RAB11FIP5: variants seen among roughly 807,000 people sequenced by gnomAD.
RAB11FIP5 encodes the protein rab11 family-interacting protein 5.
In RAB11FIP5, 48 loss-of-function variants were observed where a neutral mutation model predicts 85.1. The ratio of observed to expected loss-of-function variants is 0.56; its 90% CI spans 0.45 to 0.72. The LOEUF (loss-of-function observed/expected upper bound fraction) is 0.72. Among genes scored for constraint, RAB11FIP5 ranks in the 30% least tolerant of loss-of-function variants. RAB11FIP5 has a pLI of 0.00. For missense variants in RAB11FIP5, 1,491 were observed against 1,687.0 expected (o/e 0.88, Z 2.04); for synonymous variants, 729 against 727.3 (o/e 1.00, Z -0.04).
Position 73,074,795 on chromosome 2 carries a change from C to T in RAB11FIP5, c.*726G>A, listed in dbSNP as rs117742604. The T allele has an allele frequency of 1.0e-3, 206 of 200,148 alleles. 5 individuals carry two copies. In the East Asian group the frequency reaches 0.019, roughly 19 times the overall value. The allele number at this position is 200,148 out of a possible 1,614,324, so 12.4% of individuals were successfully genotyped here. On this transcript the variant is annotated 3_prime_UTR_variant, in exon 6 of 6. Coordinates refer to ENST00000486777, the MANE Select transcript of RAB11FIP5 (RefSeq NM_001371272.1). ...AGCTCGAAAAGCAAAAAGGTGCTCT[C>T]TCCGCACCCGCCCCTGCGCCCCACA... is the stretch of plus-strand genomic sequence containing the variant.
In RAB11FIP5 at chr2:73,075,661, G is replaced by A; in HGVS notation, c.3835C>T (p.Leu1279=). 6.2e-7 allele frequency: 1 copy of A among 1,613,824 alleles called. No individual in the cohort carries two copies. The highest frequency in any genetic ancestry group is 8.5e-7 in the Non-Finnish European group (1 of 1,179,902). ...AGCTCCCGCTCCCGCTGCAGGAGCAGGCTGATGAGCTCATCGTGGGTCAGG... is the reference window on the plus strand; with the variant it reads ...AGCTCCCGCTCCCGCTGCAGGAGCAAGCTGATGAGCTCATCGTGGGTCAGG... ...YHLTHDELIS[L]LLQRERELSQ... Residue 1279 remains leucine (L), a synonymous_variant, in exon 6 of 6, where the codon CTG becomes TTG. Coordinates refer to ENST00000486777, the MANE Select transcript of RAB11FIP5 (RefSeq NM_001371272.1). The surrounding 1 kb of genome is among the most constrained non-coding windows in gnomAD (Gnocchi z 4.6).
intron 3 of RAB11FIP5, among the ~76,000 whole-genome samples, chr2:73,085,326 TA>T (rs1392094390): frequency 6.6e-6 from 1 of 152,210 alleles, no homozygotes; most frequent in African/African-American, 2.4e-5. Context: ...TTCCCAACTT[TA>T]AAAGTTTTTG....
intron 1 of RAB11FIP5, among the ~76,000 whole-genome samples, chr2:73,091,933 C>T (rs1247294626): frequency 1.3e-5 from 2 of 151,994 alleles, no homozygotes; most frequent in Non-Finnish European, 2.9e-5. Context: ...AATGCCCGAG[C>T]GGGTGCCTCT....
chr2:73,098,077 C>T (rs1190251807), intron 1 of RAB11FIP5, among the ~76,000 whole-genome samples: 1 of 152,212 alleles, frequency 6.6e-6, no homozygotes, highest in Non-Finnish European at 1.5e-5. Context: ...TGGCTAAGAG[C>T]ATGGACTTCG....
Position 73,080,113 on chromosome 2 carries a change from C to G in RAB11FIP5, c.3119G>C (p.Gly1040Ala). The G allele has an allele frequency of 8.9e-6, 11 of 1,232,242 alleles. No homozygotes were observed. Among genetic ancestry groups the G allele is most frequent in the Non-Finnish European group, 1.1e-5 (11 of 988,044 alleles). 76.3% of individuals were successfully genotyped at this position (1,232,242 alleles called of 1,614,324 possible). ...GGCTGACAAGGACCCAAGCCCCTCT[C>G]CTACTGGATCCTGGCCCTGGGCCTC... ...APEAQGQDPV[G>A]EGLGSLSATS... The change falls in exon 4 of 6, where the codon GGA (glycine) becomes GCA (alanine). Residue 1040 changes from glycine (G) to alanine (A), a missense_variant. Around this residue, in one of 3 missense-constraint regions of RAB11FIP5, gnomAD observed 1,211 missense variants for 1,338.0 expected, o/e 0.91. Coordinates refer to ENST00000486777, the MANE Select transcript of RAB11FIP5 (RefSeq NM_001371272.1).
intron 1 of RAB11FIP5, among the ~76,000 whole-genome samples, chr2:73,103,928 C>T (rs1684477737): frequency 6.6e-6 from 1 of 152,178 alleles, no homozygotes; most frequent in South Asian, 2.1e-4. Context: ...CATATTCACC[C>T]TGACCAGGAG....
chr2:73,076,575 C>A (rs2106100183), intron 4 of RAB11FIP5, among the ~76,000 whole-genome samples: 1 of 152,288 alleles, frequency 6.6e-6, no homozygotes, highest in South Asian at 2.1e-4. Context: ...GTGACCAACC[C>A]TCCCAAGTTC....
chr2:73,077,076 CCT>C (rs545798809), intron 4 of RAB11FIP5, among the ~76,000 whole-genome samples: 32 of 152,138 alleles, frequency 2.1e-4, no homozygotes, highest in Non-Finnish European at 4.1e-4. Context: ...TGGGTTCTCT[CCT>C]CTCCTCCTCC....
At position 73,075,547 on chromosome 2, in the gene RAB11FIP5, G is replaced by A; in HGVS notation, c.3949C>T (p.Gln1317Ter). Reference sequence around the variant, plus strand: ...TATTTGGGGGGGCCCGGGGGGATCTGCAGCAGCGTGGGTGAGGTCTCCATG... The same window carrying A: ...TATTTGGGGGGGCCCGGGGGGATCTACAGCAGCGTGGGTGAGGTCTCCATG... ...RIMETSPTLL[Q>*]IPPGPPK is the part of the protein sequence containing the mutation. Residue 1317 changes from glutamine (Q) to a stop codon, truncating the protein, a stop_gained, in exon 6 of 6, where the codon CAG (glutamine) becomes TAG (stop). Coordinates refer to ENST00000486777, the MANE Select transcript of RAB11FIP5 (RefSeq NM_001371272.1). LOFTEE classifies it high-confidence loss of function. The surrounding 1 kb of genome is among the most constrained non-coding windows in gnomAD (Gnocchi z 4.6). The A allele has an allele frequency of 6.2e-7, 1 of 1,614,080 alleles. No individual in the cohort carries two copies. Among genetic ancestry groups the A allele is most frequent in the Non-Finnish European group, 8.5e-7 (1 of 1,179,964 alleles).
Position 73,088,763 on chromosome 2 carries a change from A to T in RAB11FIP5, c.869-14T>A, listed in dbSNP as rs755730123. The T allele has an allele frequency of 6.4e-7, 1 of 1,570,636 alleles. No homozygotes were observed. The highest frequency in any genetic ancestry group is 1.2e-5 in the South Asian group (1 of 84,242). On this transcript the variant is annotated splice_polypyrimidine_tract_variant and intron_variant, in intron 2 of 5. Coordinates refer to ENST00000486777, the MANE Select transcript of RAB11FIP5 (RefSeq NM_001371272.1). ...CAGAGTCCCTGCCTGCAGGGGAAAC[A>T]CACAGAGTTAGCTCGCAGGAAGAGA...
At chr2:73,111,481 C>T (rs917077998) in intron 1 of RAB11FIP5, among the ~76,000 whole-genome samples, 2 of 152,184 alleles carry the variant, frequency 1.3e-5, no homozygotes, top group African/African-American at 4.8e-5. Context: ...GCTTCCAGCT[C>T]CTGCCCAAGC....
chr2:73,110,498 A>G (rs1352079397), intron 1 of RAB11FIP5, among the ~76,000 whole-genome samples: 1 of 151,196 alleles, frequency 6.6e-6, no homozygotes, highest in Non-Finnish European at 1.5e-5. Context: ...GGTTCTATAA[A>G]TAAACCAGGT....
Position 73,088,510 on chromosome 2 carries a change from C to A in RAB11FIP5, c.1108G>T (p.Ala370Ser). 1 of 1,614,016 alleles carries A rather than the reference C, an allele frequency of 6.2e-7. No individual in the cohort carries two copies. ...GSLPSSGSLQ[A>S]VSSRFSEEGP... is the part of the protein sequence containing the mutation. Reference sequence around the variant, plus strand: ...TCCTCGGAGAACCGGGAAGAGACAGCTTGCAAGGAGCCAGAGGATGGAAGC... The same window carrying A: ...TCCTCGGAGAACCGGGAAGAGACAGATTGCAAGGAGCCAGAGGATGGAAGC... The change falls in exon 3 of 6, where the codon GCT (alanine) becomes TCT (serine). Residue 370 changes from alanine to serine, a missense_variant. Around this residue, in one of 3 missense-constraint regions of RAB11FIP5, gnomAD observed 1,211 missense variants for 1,338.0 expected, o/e 0.91. Coordinates refer to ENST00000486777, the MANE Select transcript of RAB11FIP5 (RefSeq NM_001371272.1).
Position 73,079,725 on chromosome 2 carries a change from T to G in RAB11FIP5, c.3507A>C (p.Ala1169=). ...SPALLREDLA[A]ATPASPLVLL... The stretch of plus-strand genomic sequence containing the variant: ...GCACAAGCGGGGAGGCTGGGGTGGC[T>G]GCAGCGAGGTCCTCCCTAAGTAGGG... Residue 1169 remains alanine (A), a synonymous_variant, in exon 4 of 6, where the codon GCA becomes GCC. Transcript: ENST00000486777. 1.6e-6 allele frequency: 2 copies of G among 1,233,086 alleles called. No individual in the cohort carries two copies. The highest frequency in any genetic ancestry group is 2.0e-6 in the Non-Finnish European group (2 of 988,786). 76.4% of individuals were successfully genotyped at this position (1,233,086 alleles called of 1,614,324 possible). A position where few individuals can be genotyped will look rare whatever the true frequency, so the allele number is the denominator to read the frequency against.
In RAB11FIP5 at chr2:73,080,536, G is replaced by A. The variant is rs1683954751; in HGVS notation, c.2696C>T (p.Thr899Ile). The A allele has an allele frequency of 3.1e-5, 38 of 1,232,688 alleles. No individual in the cohort carries two copies. The highest frequency in any genetic ancestry group is 3.6e-5 in the Non-Finnish European group (36 of 988,204). The allele number at this position is 1,232,688 out of a possible 1,614,324, so 76.4% of individuals were successfully genotyped here. A position where few individuals can be genotyped will look rare whatever the true frequency, so the allele number is the denominator to read the frequency against. ...WVSDKGLQPS[T>I]PPPKPPRLFT... ...GAGGCGCGGTGGCTTGGGAGGTGGG[G>A]TGCTGGGCTGCAGCCCCTTGTCAGA... is the stretch of plus-strand genomic sequence containing the variant. Residue 899 changes from threonine (T) to isoleucine (I), a missense_variant, in exon 4 of 6, where the codon ACC (threonine) becomes ATC (isoleucine). Thr to Ile is a moderately conservative substitution (Grantham distance 89). Transcript: ENST00000486777.
At position 73,089,892 on chromosome 2, in the gene RAB11FIP5, C is replaced by T. The variant is rs1206460009; in HGVS notation, c.432-577G>A. Among the ~76,000 whole-genome samples, 1 of 92,132 alleles carries T rather than the reference C, an allele frequency of 1.1e-5. No individual in the cohort carries two copies. The highest frequency in any genetic ancestry group is 1.9e-5 in the Non-Finnish European group (1 of 52,626). The allele number at this position is 92,132 out of a possible 152,430, so 60.4% of individuals were successfully genotyped here. A position where few individuals can be genotyped will look rare whatever the true frequency, so the allele number is the denominator to read the frequency against. ...ACACTCATGTATGTATACACACACA[C>T]ACACACACACACACACACACACACC... On this transcript the variant is annotated intron_variant, in intron 1 of 5. Coordinates refer to ENST00000486777, the MANE Select transcript of RAB11FIP5 (RefSeq NM_001371272.1). This position sits in a 1 kb window ranked among gnomAD's most constrained non-coding sequence, Gnocchi z 4.6.
intron 3 of RAB11FIP5, among the ~76,000 whole-genome samples, chr2:73,084,967 G>A (rs1012023232): frequency 6.6e-6 from 1 of 152,182 alleles, no homozygotes; most frequent in African/African-American, 2.4e-5. Context: ...CCCATCACCT[G>A]GGCACAATGA....
chr2:73,095,013 C>T (rs1684289921), intron 1 of RAB11FIP5, among the ~76,000 whole-genome samples: 1 of 152,042 alleles, frequency 6.6e-6, no homozygotes, highest in Non-Finnish European at 1.5e-5. Context: ...CCCTGACACC[C>T]ACCTGGTGCT....
intron 3 of RAB11FIP5, among the ~76,000 whole-genome samples, chr2:73,087,634 G>A (rs1426842661): frequency 6.6e-6 from 1 of 152,220 alleles, no homozygotes; most frequent in Non-Finnish European, 1.5e-5. Context: ...GAGAGGGGAA[G>A]GGAAGTCTGA....
Sources: allele counts gnomAD v4.1 joint callset (sites outside exome capture counted in the v4.1 genomes callset), GRCh38; gene constraint gnomAD v4.1.1; regional missense constraint gnomAD v4.1.1; non-coding constraint Gnocchi (gnomAD v3.1); transcripts MANE v1.5; gene names NCBI Gene and HGNC (gene_info 2026-07-23, HGNC 2026-07-21).